The following XXYLT1 variants were observed in gnomAD, a reference collection of about 807,000 sequenced individuals.
The protein encoded by XXYLT1 is UDP-xylose:alpha-xyloside alpha-1,3-xylosyltransferase.
In XXYLT1, 20 loss-of-function variants were observed where a neutral mutation model predicts 28.9. The ratio of observed to expected loss-of-function variants is 0.69; its 90% CI spans 0.49 to 1.00. The LOEUF is 1.00. Ranked by LOEUF, XXYLT1 falls within the 50% of genes least tolerant of loss-of-function variation. The pLI is 0.00. For missense variants in XXYLT1, 542 were observed against 560.1 expected (o/e 0.97, Z 0.33); for synonymous variants, 257 against 253.8 (o/e 1.01, Z -0.12).
At chr3:195,227,627 T>C (rs1282825994) in intron 1 of XXYLT1, among the ~76,000 whole-genome samples, 1 of 152,026 alleles carries the variant, frequency 6.6e-6, no homozygotes. Context: ...GAGGCAGACA[T>C]CACTATTATA....
At position 195,124,367 on chromosome 3, in the gene XXYLT1, G is replaced by A. The variant is rs1718510022; in HGVS notation, c.785+32082C>T. Among the ~76,000 whole-genome samples, 1 of 152,250 alleles carries A rather than the reference G, an allele frequency of 6.6e-6. No homozygotes were observed. Among genetic ancestry groups the A allele is most frequent in the Admixed American group, 6.5e-5 (1 of 15,286 alleles). On this transcript the variant is annotated intron_variant, in intron 3 of 3. Transcript: ENST00000310380. This position sits in a 1 kb window ranked among gnomAD's most constrained non-coding sequence, Gnocchi z 4.1. ...GGGCTGGACTGAGATGCTTCTGGGA[G>A]AACGATGGGTATAAATCCAAGACCT...
At position 195,256,583 on chromosome 3, in the gene XXYLT1, T is replaced by G. The variant is rs768754317; in HGVS notation, c.504+13972A>C. On this transcript the variant is annotated intron_variant, in intron 1 of 3. Transcript: ENST00000310380. This position sits in a 1 kb window ranked among gnomAD's most constrained non-coding sequence, Gnocchi z 4.2. ...ACCCCGCAACTTCTCACCCGCACATTCAGGATGGGGTCTGGAAAGGGCATG... is the reference window on the plus strand; with the variant it reads ...ACCCCGCAACTTCTCACCCGCACATGCAGGATGGGGTCTGGAAAGGGCATG... 2.7e-5 allele frequency: 27 copies of G among 985,106 alleles called. No individual in the cohort carries two copies. The highest frequency in any genetic ancestry group is 5.2e-4 in the Middle Eastern group (1 of 1,936). 61.0% of individuals were successfully genotyped at this position (985,106 alleles called of 1,614,324 possible).
In XXYLT1 at chr3:195,076,898, T is replaced by C. The variant is rs556535197; in HGVS notation, c.786-6787A>G. 2.6e-5 allele frequency among the ~76,000 whole-genome samples: 4 copies of C among 152,220 alleles called. No individual in the cohort carries two copies. The highest frequency in any genetic ancestry group is 9.6e-5 in the African/African-American group (4 of 41,520). ...CCAGCAGAACCTCATCTCAACTCTT[T>C]ATATCTGCAACAACCCCATTCCCAC... is the stretch of plus-strand genomic sequence containing the variant. On this transcript the variant is annotated intron_variant, in intron 3 of 3. Transcript: ENST00000310380. This position sits in a 1 kb window ranked among gnomAD's most constrained non-coding sequence, Gnocchi z 5.3.
At chr3:195,178,866 G>A (rs972077529) in intron 2 of XXYLT1, among the ~76,000 whole-genome samples, 2 of 152,236 alleles carry the variant, frequency 1.3e-5, no homozygotes, top group Non-Finnish European at 2.9e-5. Flanking sequence ...TCTTCATTGA[G>A]ATCGAGAGCT....
chr3:195,173,421 C>G lies in XXYLT1; in HGVS notation c.653-16840G>C, dbSNP rs1345991028. On this transcript the variant is annotated intron_variant, in intron 2 of 3. Transcript: ENST00000310380. This position sits in a 1 kb window ranked among gnomAD's most constrained non-coding sequence, Gnocchi z 4.3. ...CCTTTGTGTTGTTACCTAGGAGGTG[C>G]TCGACACTAAGTAACATTCTGGTTC... 6.6e-6 allele frequency among the ~76,000 whole-genome samples: 1 copy of G among 152,152 alleles called. No individual in the cohort carries two copies. Among genetic ancestry groups the G allele is most frequent in the Non-Finnish European group, 1.5e-5 (1 of 68,018 alleles).
rs1725480874 is a variant in XXYLT1, at chr3:195,256,428, C to A, written c.504+14127G>T. ...TGCTCCGCGCAGGCCTGAGGTGCGG[C>A]CCTGCACAGGGCAGGGCCCGAGAAA... On this transcript the variant is annotated intron_variant, in intron 1 of 3. Coordinates refer to ENST00000310380, the MANE Select transcript of XXYLT1 (RefSeq NM_152531.5). This position sits in a 1 kb window ranked among gnomAD's most constrained non-coding sequence, Gnocchi z 4.2. 1 of 950,712 alleles carries A rather than the reference C, an allele frequency of 1.1e-6. No homozygotes were observed. Among genetic ancestry groups the A allele is most frequent in the Non-Finnish European group, 1.3e-6 (1 of 798,106 alleles). 58.9% of individuals were successfully genotyped at this position (950,712 alleles called of 1,614,324 possible).
chr3:195,158,614 A>G (rs1720720105), intron 2 of XXYLT1, among the ~76,000 whole-genome samples: 1 of 152,228 alleles, frequency 6.6e-6, no homozygotes, highest in South Asian at 2.1e-4. Context: ...GGTGAGGTCC[A>G]CCGACTAGGA....
intron 2 of XXYLT1, among the ~76,000 whole-genome samples, chr3:195,216,408 C>T (rs1723575011): frequency 6.7e-6 from 1 of 149,642 alleles, no homozygotes; most frequent in Non-Finnish European, 1.5e-5. Flanking sequence ...AATTGATAGA[C>T]CACTAGCAAG....
rs1312212584 is a variant in XXYLT1, at chr3:195,270,812, CG to C, written c.246del (p.Gly83AlafsTer20). 10 of 1,463,358 alleles carry C rather than the reference CG, an allele frequency of 6.8e-6. No homozygotes were observed. The Admixed American group carries it at 7.0e-5, about 10-fold the overall frequency. 90.6% of individuals were successfully genotyped at this position (1,463,358 alleles called of 1,614,324 possible). ...ELARGSVAPA[P>X]GAKAKSLEGG... ...CCCTCCAAGCTCTTGGCCTTCGCGCCGGGGGCTGGCGCCACGGAGCCCCGCG... is the reference window on the plus strand; with the variant it reads ...CCCTCCAAGCTCTTGGCCTTCGCGCCGGGGCTGGCGCCACGGAGCCCCGCG... On this transcript the variant is annotated frameshift_variant, in exon 1 of 4. Transcript: ENST00000310380. LOFTEE classifies it high-confidence loss of function.
intron 3 of XXYLT1, among the ~76,000 whole-genome samples, chr3:195,090,274 G>C (rs941701986): frequency 1.3e-5 from 2 of 151,554 alleles, no homozygotes; most frequent in Non-Finnish European, 2.9e-5. Context: ...CACATACTTG[G>C]AAGTAAAGCT....
intron 3 of XXYLT1, among the ~76,000 whole-genome samples, chr3:195,080,688 C>T (rs540796570): frequency 7.2e-5 from 11 of 152,196 alleles, no homozygotes; most frequent in Admixed American, 2.6e-4. Flanking sequence ...GGGTGTTTTC[C>T]GGGACAGCGA....
At chr3:195,113,990 A>G (rs1365982835) in intron 3 of XXYLT1, among the ~76,000 whole-genome samples, 1 of 152,186 alleles carries the variant, frequency 6.6e-6, no homozygotes, top group Non-Finnish European at 1.5e-5. Flanking sequence ...AGCAGGTGAA[A>G]GCTTGGCACA....
rs140985454 is a variant in XXYLT1, at chr3:195,162,207, C to T, written c.653-5626G>A. Among the ~76,000 whole-genome samples the T allele has an allele frequency of 1.3e-3, 193 of 152,282 alleles. 1 individual carries two copies. Among genetic ancestry groups the T allele is most frequent in the African/African-American group, 4.5e-3 (189 of 41,560 alleles). On this transcript the variant is annotated intron_variant, in intron 2 of 3. Transcript: ENST00000310380. The stretch of plus-strand genomic sequence containing the variant: ...GGCTCGAAACCCCGTCTGTTGGGCT[C>T]GACAGCCTGGTGCCTGCTTTTCACT...
chr3:195,069,733 A>G lies in XXYLT1; in HGVS notation c.1164T>C (p.Thr388=), dbSNP rs1714686186. The G allele has an allele frequency of 3.1e-6, 5 of 1,613,078 alleles. No homozygotes were observed. In the African/African-American group the frequency reaches 6.7e-5, roughly 22 times the overall value. The change falls in exon 4 of 4, where the codon ACT becomes ACC. Residue 388 remains threonine (T), a synonymous_variant. Transcript: ENST00000310380. ...GGAGCGCCTAGTCCTCCGGGATGGG[A>G]GTGTTGCAGTTCCCGTGGTAGATCT... ...HVKIYHGNCN[T]PIPED is the part of the protein sequence containing the mutation.
rs1717071222 is a variant in XXYLT1, at chr3:195,106,199, CCATTCTGT to C, written c.786-36096_786-36089del. Among the ~76,000 whole-genome samples, 4 of 152,152 alleles carry C rather than the reference CCATTCTGT, an allele frequency of 2.6e-5. 1 individual carries two copies. In the South Asian group the frequency reaches 8.3e-4, roughly 31 times the overall value. On this transcript the variant is annotated intron_variant, in intron 3 of 3. Coordinates refer to ENST00000310380, the MANE Select transcript of XXYLT1 (RefSeq NM_152531.5). The stretch of plus-strand genomic sequence containing the variant: ...CTCTTTGTGGAAGCTCAATACACTG[CCATTCTGT>C]CATTCACTAGTGTTCTCGACGGAGA...
At chr3:195,239,398 C>G (rs539053985) in intron 1 of XXYLT1, among the ~76,000 whole-genome samples, 1 of 152,084 alleles carries the variant, frequency 6.6e-6, no homozygotes, top group East Asian at 1.9e-4. Context: ...AAAGGCCACC[C>G]CTTCGACCTC....
intron 3 of XXYLT1, among the ~76,000 whole-genome samples, chr3:195,119,504 A>G (rs1209098989): frequency 1.3e-5 from 2 of 152,110 alleles, no homozygotes; most frequent in African/African-American, 2.4e-5. Flanking sequence ...ACTTTTCCCA[A>G]CAAGAAGACA....
intron 2 of XXYLT1, among the ~76,000 whole-genome samples, chr3:195,169,267 C>T (rs942438395): frequency 6.6e-6 from 1 of 152,246 alleles, no homozygotes; most frequent in South Asian, 2.1e-4. Context: ...GCACGGCAGC[C>T]GGGTCCAAGG....
intron 3 of XXYLT1, among the ~76,000 whole-genome samples, chr3:195,086,475 G>C (rs1379729285): frequency 2.0e-5 from 3 of 152,342 alleles, no homozygotes; most frequent in Middle Eastern, 3.4e-3. Context: ...ACCTGTAGGG[G>C]AGAAGTCTAT....
Sources: gnomAD v4.1 joint callset for allele counts (sites outside exome capture counted in the v4.1 genomes callset) on GRCh38, gnomAD v4.1.1 for gene constraint, Gnocchi (gnomAD v3.1) non-coding constraint, MANE v1.5 for transcripts, NCBI Gene and HGNC (gene_info 2026-07-23, HGNC 2026-07-21) for gene names.